ZWILCH: variants seen among roughly 807,000 people sequenced by gnomAD.
The protein encoded by ZWILCH is protein zwilch homolog.
A neutral mutation model predicts 79.9 loss-of-function variants in ZWILCH; 74 were observed. The observed-to-expected ratio is 0.93, with a 90% CI of 0.77 to 1.12. ZWILCH has a LOEUF of 1.12. Ranked by LOEUF, ZWILCH falls within the 50% of genes most tolerant of loss-of-function variation. The pLI, the probability that ZWILCH is intolerant of heterozygous loss-of-function variation, is 0.00. For synonymous variants in ZWILCH, 241 were observed against 228.2 expected, an observed-to-expected ratio of 1.06 and a Z score of -0.51; for missense variants, 694 against 687.5, an observed-to-expected ratio of 1.01 and a Z score of -0.11.
At chr15:66,523,885 G>T in intron 8 of ZWILCH, 137 bp downstream of exon 8, 1 of 564,350 alleles carries the variant, frequency 1.8e-6, no homozygotes, top group Non-Finnish European at 2.9e-6. Context: ...TGACAGTTTG[G>T]GCAGTTAAAT....
intron 1 of ZWILCH, 190 bp downstream of exon 1, chr15:66,505,581 C>A: frequency 1.6e-6 from 1 of 628,360 alleles, no homozygotes; most frequent in Non-Finnish European, 2.7e-6. Flanking sequence ...GCTTGCTTGT[C>A]TCAGGAGAAA....
intron 9 of ZWILCH, 64 bp downstream of exon 9, chr15:66,527,447 T>A: frequency 7.8e-7 from 1 of 1,283,160 alleles, no homozygotes; most frequent in Non-Finnish European, 1.1e-6. Flanking sequence ...AGTTTCTCTT[T>A]AAGCTTGATA....
intron 12 of ZWILCH, among the ~76,000 whole-genome samples, chr15:66,531,374 C>T (rs1894847204): frequency 6.6e-6 from 1 of 152,280 alleles, no homozygotes; most frequent in South Asian, 2.1e-4. Flanking sequence ...TTGGTGGAAT[C>T]GTATCTGGGG....
At chr15:66,509,870 T>TATATATATATATAG (rs1491513134) in intron 2 of ZWILCH, among the ~76,000 whole-genome samples, 4 of 100,558 alleles carry the variant, frequency 4.0e-5, no homozygotes, top group African/African-American at 1.2e-4. Context: ...TATATATATA[T>TATATATATATATAG]CTCTTAAAAA....
At position 66,508,874 on chromosome 15, in the gene ZWILCH, A is replaced by G. The variant is rs1893923789; in HGVS notation, c.87A>G (p.Lys29=). Residue 29 remains lysine, a synonymous_variant, in exon 2 of 19, where the codon AAA becomes AAG. Transcript: ENST00000307897. ...KFNEEKKGIR[K]DPFLYEADVQ... ...ATGAAGAAAAGAAAGGAATCCGTAA[A>G]GACCCATTTCTCTATGAGGTATGAA... is the stretch of plus-strand genomic sequence containing the variant. The G allele has an allele frequency of 6.2e-7, 1 of 1,614,024 alleles. No individual in the cohort carries two copies. Among genetic ancestry groups the G allele is most frequent in the Admixed American group, 1.7e-5 (1 of 59,996 alleles).
At chr15:66,545,310 C>T (rs1272351334) in intron 17 of ZWILCH, among the ~76,000 whole-genome samples, 1 of 151,948 alleles carries the variant, frequency 6.6e-6, no homozygotes, top group Non-Finnish European at 1.5e-5. Context: ...GACAAGATCA[C>T]GCCATTGCAC....
intron 7 of ZWILCH, among the ~76,000 whole-genome samples, chr15:66,521,965 T>C (rs2140768166): frequency 6.6e-6 from 1 of 152,242 alleles, no homozygotes; most frequent in South Asian, 2.1e-4. Flanking sequence ...TTTGGGAGGC[T>C]GAGGAGGATG....
At chr15:66,526,242 A>G (rs921009917) in intron 8 of ZWILCH, among the ~76,000 whole-genome samples, 4 of 152,172 alleles carry the variant, frequency 2.6e-5, no homozygotes, top group Non-Finnish European at 5.9e-5. Context: ...TTTCTGCCAT[A>G]TGAAGTTAAA....
intron 17 of ZWILCH, among the ~76,000 whole-genome samples, chr15:66,540,763 G>A (rs1343409615): frequency 6.7e-6 from 1 of 149,820 alleles, no homozygotes; most frequent in Admixed American, 6.6e-5. Context: ...TGAGTAGCTG[G>A]GATTACAGGT....
intron 17 of ZWILCH, among the ~76,000 whole-genome samples, chr15:66,543,634 G>A (rs116297916): frequency 0.016 from 2,450 of 152,246 alleles, 66 homozygotes; most frequent in African/African-American, 0.057. Flanking sequence ...GCATATGCCT[G>A]TAGTTCTAGC....
chr15:66,508,072 C>G (rs763286149), intron 1 of ZWILCH, among the ~76,000 whole-genome samples: 3 of 152,118 alleles, frequency 2.0e-5, no homozygotes, highest in African/African-American at 4.8e-5. Flanking sequence ...TCTTCTGTTT[C>G]TATTTCAGGA....
At chr15:66,545,673 C>T (rs1259300369) in intron 17 of ZWILCH, among the ~76,000 whole-genome samples, 2 of 152,160 alleles carry the variant, frequency 1.3e-5, no homozygotes, top group Non-Finnish European at 2.9e-5. Flanking sequence ...TTGTAGCCAT[C>T]ATATATTCTT....
chr15:66,535,602 G>T (rs1894989339), intron 14 of ZWILCH, among the ~76,000 whole-genome samples: 1 of 151,892 alleles, frequency 6.6e-6, no homozygotes, highest in Non-Finnish European at 1.5e-5. Flanking sequence ...CTTGAATCCA[G>T]GAGGTGGAGG....
chr15:66,507,591 A>C (rs980968756), intron 1 of ZWILCH, among the ~76,000 whole-genome samples: 1 of 152,170 alleles, frequency 6.6e-6, no homozygotes, highest in Non-Finnish European at 1.5e-5. Flanking sequence ...CTCTCTGAGC[A>C]CTTACCACCA....
chr15:66,521,304 G>C (rs1894486642), intron 7 of ZWILCH, 99 bp downstream of exon 7: 1 of 1,408,232 alleles, frequency 7.1e-7, no homozygotes. Flanking sequence ...CTTGGCACTT[G>C]CTGAGTGTGA....
chr15:66,547,894 C>G (rs1364944712), intron 18 of ZWILCH: 1 of 152,738 alleles, frequency 6.5e-6, no homozygotes, highest in Non-Finnish European at 1.5e-5. Flanking sequence ...TCAAGCGATT[C>G]TCCTGCCTCA....
rs1894729229 is a variant in ZWILCH, at chr15:66,527,898, GAC to G, written c.958_959del (p.Thr320Ter). 1 of 1,600,430 alleles carries G rather than the reference GAC, an allele frequency of 6.2e-7. No homozygotes were observed. Among genetic ancestry groups the G allele is most frequent in the Non-Finnish European group, 8.5e-7 (1 of 1,176,834 alleles). On this transcript the variant is annotated frameshift_variant, in exon 10 of 19. Transcript: ENST00000307897. LOFTEE classifies it high-confidence loss of function. The stretch of plus-strand genomic sequence containing the variant: ...TGGATTTGGTGATTCTACAAAAAAA[GAC>G]ACTGAGGTTGAGGTAAGTGATTATT... ...LDGFGDSTKKDTEVETLKHDT... is the reference protein window; with the variant it reads ...LDGFGDSTKKXTEVETLKHDT...
rs1420644455 is a variant in ZWILCH at position 66,540,098 on chromosome 15, T to A, written c.1575T>A (p.Ser525Arg). The A allele has an allele frequency of 1.3e-6, 2 of 1,597,102 alleles. No homozygotes were observed. Reference sequence around the variant, plus strand: ...TTTTGTCGTTTTATTCTTTCCTTAGTGAGAAGCCACAGAAATGGAGAGTGG... The same window carrying A: ...TTTTGTCGTTTTATTCTTTCCTTAGAGAGAAGCCACAGAAATGGAGAGTGG... ...RPTAVKNLYQ[S>R]EKPQKWRVEI... Residue 525 changes from serine to arginine, a missense_variant and splice_region_variant, in exon 17 of 19, where the codon AGT (serine) becomes AGA (arginine). Coordinates refer to ENST00000307897, the MANE Select transcript of ZWILCH (RefSeq NM_017975.5).
chr15:66,540,634 CTT>C (rs763324094), intron 17 of ZWILCH, among the ~76,000 whole-genome samples: 4 of 141,062 alleles, frequency 2.8e-5, no homozygotes, highest in Non-Finnish European at 3.1e-5. Flanking sequence ...TATTTTCTTT[CTT>C]TTTTTTTTTT....
Sources: allele counts gnomAD v4.1 joint callset (sites outside exome capture counted in the v4.1 genomes callset), GRCh38; gene constraint gnomAD v4.1.1; transcripts MANE v1.5; gene names NCBI Gene and HGNC (gene_info 2026-07-23, HGNC 2026-07-21).